The following GRIA4 variants were observed in gnomAD, a reference collection of about 807,000 sequenced individuals.
GRIA4 encodes glutamate receptor 4.
Under a neutral mutation model 104.0 loss-of-function variants are expected in GRIA4, and 34 were observed. The observed-to-expected ratio is 0.33, with a 90% CI of 0.25 to 0.44. The LOEUF is 0.44. Ranked by LOEUF, GRIA4 falls within the 20% of genes least tolerant of loss-of-function variation. GRIA4 has a pLI of 1.00. For synonymous variants in GRIA4, 386 were observed against 381.9 expected (o/e 1.01, Z -0.13); for missense variants, 750 against 1,096.5 (o/e 0.68, Z 4.46).
chr11:105,913,442 A>T (rs569339700), intron 10 of GRIA4: 1 of 458,070 alleles, frequency 2.2e-6, no homozygotes, highest in Admixed American at 6.4e-5. Context: ...TAATATCATC[A>T]TTTTTATCTT....
intron 4 of GRIA4, among the ~76,000 whole-genome samples, chr11:105,829,636 C>T (rs1943901166): frequency 6.6e-6 from 1 of 151,876 alleles, no homozygotes; most frequent in African/African-American, 2.4e-5. Flanking sequence ...TATAAGAAGA[C>T]ATATTCCTCC....
At chr11:105,738,746 A>G (rs939993362) in intron 3 of GRIA4, among the ~76,000 whole-genome samples, 8 of 152,100 alleles carry the variant, frequency 5.3e-5, no homozygotes, top group Non-Finnish European at 8.8e-5. Context: ...AAAGAATATT[A>G]CTGTAATTAT....
At chr11:105,911,929 G>A (rs200377393) in intron 10 of GRIA4, 244 of 1,553,780 alleles carry the variant, frequency 1.6e-4, no homozygotes, top group Middle Eastern at 8.5e-4. Context: ...AAAGAGTTCC[G>A]CGCTGTTCGA....
chr11:105,815,271 A>G (rs1185951826), intron 4 of GRIA4, among the ~76,000 whole-genome samples: 2 of 152,274 alleles, frequency 1.3e-5, no homozygotes, highest in South Asian at 2.1e-4. Flanking sequence ...GAACCATGCA[A>G]TTTAAGATCA....
intron 14 of GRIA4, 119 bp from the exon 15 acceptor site, chr11:105,971,795 A>G: frequency 1.6e-6 from 1 of 614,750 alleles, no homozygotes; most frequent in Non-Finnish European, 2.9e-6. Context: ...CTACAGTACA[A>G]GACATAGCAC....
chr11:105,611,217 C>T (rs1666201245), intron 2 of GRIA4, 132 bp downstream of exon 2: 3 of 696,820 alleles, frequency 4.3e-6, no homozygotes, highest in Admixed American at 4.3e-5. Context: ...CCCTCCTCTT[C>T]CTTTCTCTCC....
chr11:105,887,876 C>T (rs931751091), intron 6 of GRIA4, among the ~76,000 whole-genome samples: 1 of 152,082 alleles, frequency 6.6e-6, no homozygotes, highest in Non-Finnish European at 1.5e-5. Flanking sequence ...ACTTTATAGA[C>T]AAAGATAGCC....
chr11:105,660,271 G>T (rs1043416705), intron 3 of GRIA4, among the ~76,000 whole-genome samples: 4 of 151,610 alleles, frequency 2.6e-5, no homozygotes, highest in African/African-American at 7.3e-5. Flanking sequence ...GAACCCAAAG[G>T]ATAAAGAGCA....
intron 4 of GRIA4, among the ~76,000 whole-genome samples, chr11:105,771,849 A>T (rs1430610904): frequency 6.6e-6 from 1 of 152,110 alleles, no homozygotes; most frequent in Non-Finnish European, 1.5e-5. Context: ...CCTAAAATAC[A>T]TGTAAATACT....
chr11:105,921,862 A>AT (rs1162400024), intron 11 of GRIA4, among the ~76,000 whole-genome samples: 1 of 145,134 alleles, frequency 6.9e-6, no homozygotes, highest in African/African-American at 2.5e-5. Context: ...ATCATGGAAG[A>AT]TACCAAAAAG....
intron 3 of GRIA4, among the ~76,000 whole-genome samples, chr11:105,745,500 T>A (rs1353083788): frequency 1.3e-5 from 2 of 150,834 alleles, no homozygotes; most frequent in African/African-American, 2.4e-5. Context: ...ACATCTACCA[T>A]ATCTACACCG....
chr11:105,979,397 C>T (rs1264137401), intron 16 of GRIA4, among the ~76,000 whole-genome samples, 178 bp from the exon 17 acceptor site: 3 of 152,268 alleles, frequency 2.0e-5, no homozygotes, highest in Non-Finnish European at 4.4e-5. Context: ...ATTCATTCTT[C>T]GGTGTAGTTA....
intron 4 of GRIA4, among the ~76,000 whole-genome samples, chr11:105,803,866 A>G (rs2135846302): frequency 6.8e-6 from 1 of 147,426 alleles, no homozygotes; most frequent in African/African-American, 2.5e-5. Context: ...AAAAAAAGAG[A>G]GAGAGAGAGA....
chr11:105,775,810 A>G (rs1225514843), intron 4 of GRIA4, among the ~76,000 whole-genome samples: 1 of 152,026 alleles, frequency 6.6e-6, no homozygotes, highest in East Asian at 1.9e-4. Context: ...AACTTTATCA[A>G]GCATTTAGAA....
At chr11:105,720,412 C>G (rs767549979) in intron 3 of GRIA4, among the ~76,000 whole-genome samples, 11 of 151,970 alleles carry the variant, frequency 7.2e-5, no homozygotes, top group Non-Finnish European at 1.0e-4. Flanking sequence ...TTTCTTGTAT[C>G]TGTGATTCTA....
At chr11:105,722,136 A>G (rs2135578908) in intron 3 of GRIA4, among the ~76,000 whole-genome samples, 1 of 152,280 alleles carries the variant, frequency 6.6e-6, no homozygotes, top group East Asian at 1.9e-4. Context: ...AGATGGTGCT[A>G]ATTTCCCTCT....
chr11:105,851,139 A>G (rs754597937), intron 4 of GRIA4, among the ~76,000 whole-genome samples: 1 of 152,160 alleles, frequency 6.6e-6, no homozygotes, highest in Non-Finnish European at 1.5e-5. Context: ...CAGGCCTTCA[A>G]TAATTGTTAT....
At chr11:105,825,889 T>C (rs1024766926) in intron 4 of GRIA4, among the ~76,000 whole-genome samples, 7 of 151,954 alleles carry the variant, frequency 4.6e-5, no homozygotes, top group African/African-American at 1.7e-4. Context: ...GCTGCAAAAA[T>C]AGTACATTAA....
intron 5 of GRIA4, among the ~76,000 whole-genome samples, chr11:105,880,483 T>C (rs1413730219): frequency 6.6e-6 from 1 of 152,194 alleles, no homozygotes; most frequent in Non-Finnish European, 1.5e-5. Flanking sequence ...TAGGACCCTA[T>C]CCAAACCATA....
Sources: allele counts gnomAD v4.1 joint callset (sites outside exome capture counted in the v4.1 genomes callset), GRCh38; gene constraint gnomAD v4.1.1; transcripts MANE v1.5; gene names NCBI Gene and HGNC (gene_info 2026-07-23, HGNC 2026-07-21).